TRMT10B: variants seen among roughly 807,000 people sequenced by gnomAD.
TRMT10B encodes the protein tRNA methyltransferase 10 homolog B.
Under a neutral mutation model 43.8 loss-of-function variants are expected in TRMT10B, and 33 were observed. The observed-to-expected ratio is 0.75, with a 90% CI of 0.57 to 1.01. The LOEUF (loss-of-function observed/expected upper bound fraction) is 1.01, where lower values mean the gene tolerates loss of function less well. Ranked by LOEUF, TRMT10B falls within the 50% of genes least tolerant of loss-of-function variation. The pLI is 0.00. For synonymous variants in TRMT10B, 137 were observed against 130.6 expected (o/e 1.05, Z -0.34); for missense variants, 362 against 369.8 (o/e 0.98, Z 0.17).
At chr9:37,768,881 T>G (rs755000942) in intron 5 of TRMT10B, among the ~76,000 whole-genome samples, 3 of 152,232 alleles carry the variant, frequency 2.0e-5, no homozygotes, top group Non-Finnish European at 4.4e-5. Context: ...TTCTATGTAG[T>G]TGTTTTAATG....
intron 1 of TRMT10B, among the ~76,000 whole-genome samples, chr9:37,755,268 C>CTTTTTTTTTTTTTTTTTTTTTTTTT (rs61444533): frequency 8.0e-6 from 1 of 124,458 alleles, no homozygotes; most frequent in African/African-American, 2.9e-5. Context: ...AAGACTCCGT[C>CTTTTTTTTTTTTTTTTTTTTTTTTT]TTTTTTTTTT....
rs376110227 is a variant in TRMT10B, at chr9:37,762,069, G to C, written c.138G>C (p.Glu46Asp). Residue 46 changes from glutamate to aspartate, a missense_variant, in exon 2 of 9, where the codon GAG (glutamate) becomes GAC (aspartate). Physicochemically the swap from Glu to Asp is conservative, Grantham distance 45. Coordinates refer to ENST00000297994, the MANE Select transcript of TRMT10B (RefSeq NM_144964.4). ...TTCTGCAGATCGATGCGGAAGGCGAGTGCCAGGAGGGAGAGATCCTGGCCA... is the reference window on the plus strand; with the variant it reads ...TTCTGCAGATCGATGCGGAAGGCGACTGCCAGGAGGGAGAGATCCTGGCCA... ...FQLLQIDAEGECQEGEILATG... is the reference protein window; with the variant it reads ...FQLLQIDAEGDCQEGEILATG... The C allele has an allele frequency of 1.4e-4, 232 of 1,614,158 alleles. No homozygotes were observed. In the East Asian group the frequency reaches 2.9e-3, roughly 20 times the overall value.
chr9:37,776,153 A>G, intron 7 of TRMT10B, 129 bp from the exon 8 acceptor site: 2 of 791,992 alleles, frequency 2.5e-6, no homozygotes, highest in Non-Finnish European at 3.6e-6. Context: ...TAAGCTCTTG[A>G]GACAGTTAAC....
rs117606622 is a variant in TRMT10B, at chr9:37,758,818, A to G, written c.-29-3085A>G. Among the ~76,000 whole-genome samples, 3 of 152,288 alleles carry G rather than the reference A, an allele frequency of 2.0e-5. No homozygotes were observed. In the East Asian group the frequency reaches 5.8e-4, roughly 29 times the overall value. Reference sequence around the variant, plus strand: ...GACTGTAATCCTTGAGGGAAAAGAAACACACAAGCTAAGCCCCACAGTCAC... The same window carrying G: ...GACTGTAATCCTTGAGGGAAAAGAAGCACACAAGCTAAGCCCCACAGTCAC... On this transcript the variant is annotated intron_variant, in intron 1 of 8. Coordinates refer to ENST00000297994, the MANE Select transcript of TRMT10B (RefSeq NM_144964.4).
intron 1 of TRMT10B, among the ~76,000 whole-genome samples, chr9:37,755,102 C>G (rs1825482953): frequency 6.6e-6 from 1 of 151,970 alleles, no homozygotes; most frequent in African/African-American, 2.4e-5. Context: ...AACTCCGTCT[C>G]TACTAAAAAT....
chr9:37,764,133 T>A (rs1033264846), intron 4 of TRMT10B, among the ~76,000 whole-genome samples: 2 of 152,008 alleles, frequency 1.3e-5, no homozygotes, highest in Non-Finnish European at 2.9e-5. Flanking sequence ...AAGAACTTTT[T>A]GCAATGTGTG....
chr9:37,772,750 C>CAAGGCAGGAGGATCACTTG (rs1453383593), intron 7 of TRMT10B, among the ~76,000 whole-genome samples: 4 of 152,056 alleles, frequency 2.6e-5, no homozygotes, highest in Non-Finnish European at 5.9e-5. Flanking sequence ...TAGGGAGGCC[C>CAAGGCAGGAGGATCACTTG]AAGGCAGGAG....
intron 4 of TRMT10B, chr9:37,767,263 C>T: frequency 6.6e-6 from 1 of 152,084 alleles, no homozygotes; most frequent in Non-Finnish European, 1.5e-5. Flanking sequence ...TGCATATAAT[C>T]CCAGCATCTT....
chr9:37,753,605 C>T (rs953448968), upstream of TRMT10B, among the ~76,000 whole-genome samples: 3 of 152,144 alleles, frequency 2.0e-5, no homozygotes, highest in Admixed American at 1.3e-4. Context: ...TAATAGCTGT[C>T]CAGCAGACGG....
chr9:37,760,852 C>T (rs1826252840), intron 1 of TRMT10B, among the ~76,000 whole-genome samples: 2 of 152,090 alleles, frequency 1.3e-5, no homozygotes, highest in Admixed American at 1.3e-4. Flanking sequence ...AGGTAATGGT[C>T]ACATCATTTG....
chr9:37,775,643 C>G (rs7850297), intron 7 of TRMT10B, among the ~76,000 whole-genome samples: 2,763 of 152,220 alleles, frequency 0.018, 81 homozygotes, highest in African/African-American at 0.063. Context: ...AAGTGATCAT[C>G]CAACTTCAGC....
rs73447231 is a variant in TRMT10B at position 37,761,926 on chromosome 9, A to G, written c.-6A>G. The G allele has an allele frequency of 1.3e-3, 2,097 of 1,610,186 alleles. 32 individuals are homozygous for G. The African/African-American group carries it at 0.025, about 19-fold the overall frequency. ...AGTCTGGTGGAAAGGACAGAGGACT[A>G]AGTCCATGGACTGGAAATTGGAAGG... On this transcript the variant is annotated 5_prime_UTR_variant, in exon 2 of 9. Coordinates refer to ENST00000297994, the MANE Select transcript of TRMT10B (RefSeq NM_144964.4).
At chr9:37,765,961 G>A (rs1216265583) in intron 4 of TRMT10B, among the ~76,000 whole-genome samples, 2 of 136,024 alleles carry the variant, frequency 1.5e-5, no homozygotes, top group Admixed American at 7.9e-5. Flanking sequence ...TGAGTTCATT[G>A]TAGATTCTGG....
chr9:37,761,997 C>T lies in TRMT10B; in HGVS notation c.66C>T (p.Gly22=). 6.2e-7 allele frequency: 1 copy of T among 1,614,010 alleles called. No homozygotes were observed. The highest frequency in any genetic ancestry group is 8.5e-7 in the Non-Finnish European group (1 of 1,179,952). Residue 22 remains glycine, a synonymous_variant, in exon 2 of 9, where the codon GGC becomes GGT. Transcript: ENST00000297994. Reference sequence around the variant, plus strand: ...CACCTGTGCTGCAGGGGCAAGAAGGCATCCTAGAGGAGACAGGTGAAGATG... The same window carrying T: ...CACCTGTGCTGCAGGGGCAAGAAGGTATCCTAGAGGAGACAGGTGAAGATG... ...VESPVLQGQE[G]ILEETGEDGL...
At chr9:37,762,929 C>T (rs565817576) in intron 3 of TRMT10B, among the ~76,000 whole-genome samples, 151 of 145,164 alleles carry the variant, frequency 1.0e-3, no homozygotes, top group Non-Finnish European at 1.7e-3. Flanking sequence ...GTCAGGAGAT[C>T]GAGACCGTCC....
At chr9:37,771,351 C>T (rs1827558609) in intron 7 of TRMT10B, among the ~76,000 whole-genome samples, 1 of 152,114 alleles carries the variant, frequency 6.6e-6, no homozygotes. Context: ...ATTCCCCTCC[C>T]CTGAGGCAAC....
intron 7 of TRMT10B, among the ~76,000 whole-genome samples, chr9:37,775,370 T>G (rs1490033778): frequency 1.3e-5 from 2 of 152,198 alleles, no homozygotes; most frequent in African/African-American, 4.8e-5. Flanking sequence ...TTCCTGTGCT[T>G]CTTACAAGGC....
At chr9:37,776,763 G>C (rs2118942268) in intron 8 of TRMT10B, among the ~76,000 whole-genome samples, 1 of 152,034 alleles carries the variant, frequency 6.6e-6, no homozygotes, top group Admixed American at 6.5e-5. Flanking sequence ...GTCAGGCGTG[G>C]TGGTGCACGC....
chr9:37,753,360 G>C (rs372957870), upstream of TRMT10B, among the ~76,000 whole-genome samples: 1 of 152,186 alleles, frequency 6.6e-6, no homozygotes, highest in Admixed American at 6.5e-5. Context: ...CCTAAACTCC[G>C]CAAGGGATGG....
Sources: allele counts gnomAD v4.1 joint callset (sites outside exome capture counted in the v4.1 genomes callset), GRCh38; gene constraint gnomAD v4.1.1; transcripts MANE v1.5; gene names NCBI Gene and HGNC (gene_info 2026-07-23, HGNC 2026-07-21).